SLC25A48: variants seen among roughly 807,000 people sequenced by gnomAD.
SLC25A48 encodes solute carrier family 25 member 48.
SLC25A48 carries 29 observed loss-of-function variants against 32.2 expected under a neutral mutation model. The ratio of observed to expected loss-of-function variants is 0.90; its 90% confidence interval spans 0.67 to 1.23. SLC25A48 has a LOEUF of 1.23. Among genes scored for constraint, SLC25A48 ranks in the 50% most tolerant of loss-of-function variants. The pLI, the probability that SLC25A48 is intolerant of heterozygous loss-of-function variation, is 0.00. For missense variants in SLC25A48, 399 were observed against 422.7 expected, an observed-to-expected ratio of 0.94 and a Z score of 0.49; for synonymous variants, 164 against 172.3, an observed-to-expected ratio of 0.95 and a Z score of 0.38.
chr5:135,645,202 G>GT (rs1381503793), intron 3 of SLC25A48, among the ~76,000 whole-genome samples: 1 of 152,308 alleles, frequency 6.6e-6, no homozygotes, highest in East Asian at 1.9e-4. Context: ...TTTGCATTGT[G>GT]TTTGAGTGTA....
At chr5:135,881,995 C>T (rs902240845) in intron 7 of SLC25A48, among the ~76,000 whole-genome samples, 8 of 152,238 alleles carry the variant, frequency 5.3e-5, no homozygotes, top group Non-Finnish European at 1.0e-4. Flanking sequence ...GCCACTGTGA[C>T]CACCCTGGTG....
At position 135,828,991 on chromosome 5, in the gene SLC25A48, C is replaced by T. The variant is rs539270778; in HGVS notation, c.-116-13425C>T. 1.5e-4 allele frequency among the ~76,000 whole-genome samples: 23 copies of T among 152,314 alleles called. 1 individual carries two copies. The South Asian group carries it at 2.5e-3, about 16-fold the overall frequency. On this transcript the variant is annotated intron_variant, in intron 4 of 10. Transcript: ENST00000646290. ...TTCCAGCTCAAATGCTGCTCCTTCCCGAGACTTCTGGGTTCTGCCCTCCAA... is the reference window on the plus strand; with the variant it reads ...TTCCAGCTCAAATGCTGCTCCTTCCTGAGACTTCTGGGTTCTGCCCTCCAA...
chr5:135,661,479 C>T (rs537677883), intron 3 of SLC25A48, among the ~76,000 whole-genome samples: 1 of 152,264 alleles, frequency 6.6e-6, no homozygotes, highest in South Asian at 2.1e-4. Context: ...GTAAGGTGAG[C>T]AAACTGGGAT....
At chr5:135,657,075 C>A (rs1399081129) in intron 3 of SLC25A48, among the ~76,000 whole-genome samples, 1 of 152,194 alleles carries the variant, frequency 6.6e-6, no homozygotes, top group Non-Finnish European at 1.5e-5. Context: ...CAATGGGCAT[C>A]TGAATGGGCA....
chr5:135,836,980 C>T (rs11948372), intron 1 of SLC25A48, among the ~76,000 whole-genome samples: 1 of 21,330 alleles, frequency 4.7e-5, no homozygotes, highest in African/African-American at 6.3e-5. Flanking sequence ...ACCCCCCCCC[C>T]CCACACACAC....
chr5:135,873,998 C>A (rs951689268), intron 5 of SLC25A48, 23 bp from the exon 6 acceptor site: 3 of 1,525,444 alleles, frequency 2.0e-6, no homozygotes, highest in Non-Finnish European at 2.6e-6. Flanking sequence ...TAGCCCCTGA[C>A]ACCTGTTTCT....
At chr5:135,754,047 A>G (rs1755835296) in intron 3 of SLC25A48, among the ~76,000 whole-genome samples, 2 of 151,738 alleles carry the variant, frequency 1.3e-5, no homozygotes, top group South Asian at 4.2e-4. Flanking sequence ...TTTTGAGGAT[A>G]TTATTAATCG....
At chr5:135,803,091 T>C (rs1757373503) in intron 3 of SLC25A48, 1 of 151,490 alleles carries the variant, frequency 6.6e-6, no homozygotes, top group African/African-American at 2.4e-5. Flanking sequence ...AGTAATATCC[T>C]ATGGAGGTAT....
At chr5:135,597,944 C>T (rs1416274070) in intron 1 of SLC25A48, among the ~76,000 whole-genome samples, 1 of 152,072 alleles carries the variant, frequency 6.6e-6, no homozygotes, top group Non-Finnish European at 1.5e-5. Flanking sequence ...ACGGAAGTTG[C>T]AGTGAGCTGA....
chr5:135,774,208 C>A (rs1163268729), intron 3 of SLC25A48, among the ~76,000 whole-genome samples: 5 of 151,810 alleles, frequency 3.3e-5, no homozygotes, highest in African/African-American at 1.2e-4. Flanking sequence ...GGGCTGTACA[C>A]CCCTTCTGTG....
intron 3 of SLC25A48, among the ~76,000 whole-genome samples, chr5:135,663,792 C>T (rs1753460446): frequency 6.6e-6 from 1 of 152,132 alleles, no homozygotes; most frequent in South Asian, 2.1e-4. Flanking sequence ...AAGATTCTGG[C>T]CCCAGAAATT....
chr5:135,796,482 C>T (rs967200366), intron 3 of SLC25A48, among the ~76,000 whole-genome samples: 1 of 151,304 alleles, frequency 6.6e-6, no homozygotes, highest in Non-Finnish European at 1.5e-5. Flanking sequence ...AGTGTACACA[C>T]CCCTGTGATA....
chr5:135,586,513 G>T (rs894209020), intron 1 of SLC25A48, among the ~76,000 whole-genome samples: 1 of 123,660 alleles, frequency 8.1e-6, no homozygotes, highest in African/African-American at 3.4e-5. Context: ...GGAGTCTTCT[G>T]CAGTGATCTC....
chr5:135,646,659 T>TTTTATATA (rs1339935279), intron 3 of SLC25A48, among the ~76,000 whole-genome samples: 2 of 125,400 alleles, frequency 1.6e-5, no homozygotes, highest in South Asian at 2.6e-4. Flanking sequence ...TAATTTCCCA[T>TTTTATATA]TATATATATA....
At position 135,775,742 on chromosome 5, in the gene SLC25A48, T is replaced by C. The variant is rs190395056; in HGVS notation, c.-520-36781T>C. On this transcript the variant is annotated intron_variant, in intron 3 of 10. Transcript: ENST00000646290. ...AATATCCAGGGGGGAAGGGATAATA[T>C]TTCTCCCAGTATCACAGGGCATGTA... Among the ~76,000 whole-genome samples, 139 of 151,728 alleles carry C rather than the reference T, an allele frequency of 9.2e-4. 1 individual carries two copies. Among genetic ancestry groups the C allele is most frequent in the African/African-American group, 3.3e-3 (136 of 41,382 alleles).
chr5:135,852,899 G>C, intron 4 of SLC25A48, 78 bp downstream of exon 4: 1 of 1,504,500 alleles, frequency 6.6e-7, no homozygotes, highest in Non-Finnish European at 8.9e-7. Context: ...GGACATGGTT[G>C]TTAAAATCCT....
intron 4 of SLC25A48, among the ~76,000 whole-genome samples, chr5:135,860,385 C>A (rs1760681500): frequency 6.6e-6 from 1 of 152,124 alleles, no homozygotes; most frequent in African/African-American, 2.4e-5. Context: ...AGCAGTAGTT[C>A]AAGCCTGATG....
intron 3 of SLC25A48, among the ~76,000 whole-genome samples, chr5:135,851,061 A>C (rs1433845139): frequency 6.6e-6 from 1 of 152,178 alleles, no homozygotes; most frequent in Non-Finnish European, 1.5e-5. Context: ...TGGAATTTAG[A>C]ATAAATTTTA....
At chr5:135,750,858 A>G (rs1262332515) in intron 3 of SLC25A48, among the ~76,000 whole-genome samples, 1 of 151,652 alleles carries the variant, frequency 6.6e-6, no homozygotes, top group Non-Finnish European at 1.5e-5. Context: ...AATGTGACAC[A>G]AGCAAAAACT....
Sources: gnomAD v4.1 joint callset for allele counts (sites outside exome capture counted in the v4.1 genomes callset) on GRCh38, gnomAD v4.1.1 for gene constraint, MANE v1.5 for transcripts, NCBI Gene and HGNC (gene_info 2026-07-23, HGNC 2026-07-21) for gene names.